The following NRG1 variants were observed in gnomAD, a reference collection of about 807,000 sequenced individuals.
NRG1 encodes the protein neuregulin 1, also known as pro-neuregulin-1, membrane-bound isoform.
Under a neutral mutation model 63.8 loss-of-function variants are expected in NRG1, and 18 were observed. That is an observed-to-expected ratio of 0.28 (90% CI 0.19 to 0.42). The LOEUF is 0.42. Ranked by LOEUF, NRG1 falls within the 10% of genes least tolerant of loss-of-function variation. NRG1 has a pLI of 1.00. For synonymous variants in NRG1, 302 were observed against 301.3 expected (o/e 1.00, Z -0.02); for missense variants, 762 against 814.7 (o/e 0.94, Z 0.79).
At chr8:31,730,444 A>AT (rs1161912840) in intron 1 of NRG1, among the ~76,000 whole-genome samples, 3 of 152,156 alleles carry the variant, frequency 2.0e-5, no homozygotes, top group Admixed American at 2.0e-4. Context: ...TATACAGATA[A>AT]TCATATAGAC....
At chr8:31,904,888 T>C (rs1007641661) in intron 1 of NRG1, among the ~76,000 whole-genome samples, 21 of 151,930 alleles carry the variant, frequency 1.4e-4, no homozygotes, top group African/African-American at 5.1e-4. Context: ...GGGAGGAAGG[T>C]GAGGATCAAA....
At chr8:32,511,493 C>T (rs532636228) in intron 1 of NRG1, among the ~76,000 whole-genome samples, 1 of 151,226 alleles carries the variant, frequency 6.6e-6, no homozygotes, top group East Asian at 2.0e-4. Context: ...TACTTTTTCT[C>T]ATTATTTTTC....
At chr8:32,506,708 G>C (rs1183697723) in intron 1 of NRG1, among the ~76,000 whole-genome samples, 1 of 151,966 alleles carries the variant, frequency 6.6e-6, no homozygotes. Context: ...CAGAAATCTT[G>C]GGGGGTATGT....
chr8:32,051,054 C>T (rs16878687), intron 1 of NRG1, among the ~76,000 whole-genome samples: 8,381 of 152,048 alleles, frequency 0.055, 767 homozygotes, highest in African/African-American at 0.19. Context: ...TGGAATCCTT[C>T]CATGTTCTCC....
intron 1 of NRG1, among the ~76,000 whole-genome samples, chr8:32,052,133 T>C (rs965791321): frequency 6.6e-6 from 1 of 152,144 alleles, no homozygotes; most frequent in Non-Finnish European, 1.5e-5. Context: ...AGTAGTAAGA[T>C]ACAAATAGGT....
intron 1 of NRG1, among the ~76,000 whole-genome samples, chr8:31,842,179 G>A (rs1421740544): frequency 1.3e-5 from 2 of 152,188 alleles, no homozygotes; most frequent in Non-Finnish European, 1.5e-5. Context: ...CTAATTGTTG[G>A]ACAATTGCTC....
chr8:32,173,389 C>A (rs925832343), intron 1 of NRG1, among the ~76,000 whole-genome samples: 3 of 152,156 alleles, frequency 2.0e-5, no homozygotes, highest in Non-Finnish European at 2.9e-5. Context: ...CAAAAACATG[C>A]CAAATTGTAA....
At chr8:32,621,144 T>C (rs1380504830) in intron 5 of NRG1, among the ~76,000 whole-genome samples, 1 of 152,188 alleles carries the variant, frequency 6.6e-6, no homozygotes. Flanking sequence ...CAATTTTTAC[T>C]ACTCAATTTT....
intron 1 of NRG1, among the ~76,000 whole-genome samples, chr8:32,108,908 AT>A (rs1224269091): frequency 1.3e-5 from 2 of 152,202 alleles, no homozygotes; most frequent in Non-Finnish European, 2.9e-5. Context: ...AAGATAATAA[AT>A]TCATGTTGTT....
chr8:32,410,356 T>C (rs1275807456), intron 1 of NRG1, among the ~76,000 whole-genome samples: 1 of 151,346 alleles, frequency 6.6e-6, no homozygotes. Context: ...AATTTTTGCA[T>C]TTTTTGTAGA....
intron 1 of NRG1, among the ~76,000 whole-genome samples, chr8:32,388,815 G>T (rs868743770): frequency 3.4e-4 from 52 of 151,998 alleles, no homozygotes; most frequent in African/African-American, 1.2e-3. Flanking sequence ...AAATGATAAA[G>T]TTTTTTTTGG....
intron 5 of NRG1, among the ~76,000 whole-genome samples, chr8:32,727,535 A>C (rs1204432160): frequency 2.0e-5 from 3 of 152,220 alleles, no homozygotes; most frequent in African/African-American, 7.2e-5. Context: ...TTCAAAAATA[A>C]ATAATTTTAT....
intron 1 of NRG1, among the ~76,000 whole-genome samples, chr8:32,371,279 T>C (rs1275198000): frequency 6.6e-6 from 1 of 152,188 alleles, no homozygotes; most frequent in African/African-American, 2.4e-5. Flanking sequence ...GCACTGGAAT[T>C]GTTCAAGCCA....
chr8:31,822,404 A>G (rs1270985527), intron 1 of NRG1, among the ~76,000 whole-genome samples: 4 of 152,034 alleles, frequency 2.6e-5, no homozygotes, highest in African/African-American at 9.7e-5. Context: ...TAGGTAAGAG[A>G]GTAAGTCTCC....
At chr8:32,545,989 T>A (rs1462535441), upstream of NRG1, among the ~76,000 whole-genome samples, 1 of 152,196 alleles carries the variant, frequency 6.6e-6, no homozygotes, top group African/African-American at 2.4e-5. Flanking sequence ...TCATTTATAC[T>A]CACCTCCCTC....
intron 1 of NRG1, among the ~76,000 whole-genome samples, chr8:32,384,922 G>A (rs1810792937): frequency 6.6e-6 from 1 of 152,110 alleles, no homozygotes; most frequent in African/African-American, 2.4e-5. Flanking sequence ...TTTTAAACTG[G>A]AATTTACTGA....
intron 1 of NRG1, among the ~76,000 whole-genome samples, chr8:32,510,462 G>T (rs532509223): frequency 3.3e-5 from 5 of 152,156 alleles, no homozygotes; most frequent in African/African-American, 1.2e-4. Flanking sequence ...CAGAGAGAAG[G>T]TGAGAAGATG....
chr8:32,372,191 G>A (rs1178032321), intron 1 of NRG1, among the ~76,000 whole-genome samples: 1 of 151,806 alleles, frequency 6.6e-6, no homozygotes, highest in African/African-American at 2.4e-5. Context: ...GTCTTGCTGT[G>A]TTGCACAGGC....
chr8:32,074,631 T>G lies in NRG1; in HGVS notation c.37+435200T>G, dbSNP rs182817644. On this transcript the variant is annotated intron_variant, in intron 1 of 10. Coordinates refer to the NRG1 transcript ENST00000519301. ...GGGAATTAAGAGTATCTAGTTGATT[T>G]AGTAGCTATATTTCTCTTCTTTAGC... Among the ~76,000 whole-genome samples the G allele has an allele frequency of 1.5e-3, 235 of 152,292 alleles. 3 individuals carry two copies. Among genetic ancestry groups the G allele is most frequent in the Non-Finnish European group, 2.7e-3 (185 of 68,016 alleles).
Sources: allele counts gnomAD v4.1 joint callset (sites outside exome capture counted in the v4.1 genomes callset), GRCh38; gene constraint gnomAD v4.1.1; transcripts MANE v1.5; gene names NCBI Gene and HGNC (gene_info 2026-07-23, HGNC 2026-07-21).